The following CACNA2D1 variants were observed in gnomAD, a reference collection of about 807,000 sequenced individuals.
CACNA2D1 encodes the protein calcium voltage-gated channel auxiliary subunit alpha2delta 1.
Under a neutral mutation model 171.5 loss-of-function variants are expected in CACNA2D1, and 53 were observed. The observed-to-expected ratio is 0.31, with a 90% CI of 0.25 to 0.39. The LOEUF is 0.39. Ranked by LOEUF, CACNA2D1 falls within the 10% of genes least tolerant of loss-of-function variation. The pLI, the probability that CACNA2D1 is intolerant of heterozygous loss-of-function variation, is 1.00. For synonymous variants in CACNA2D1, 442 were observed against 443.1 expected (o/e 1.00, Z 0.03); for missense variants, 903 against 1,299.8 (o/e 0.69, Z 4.69).
At chr7:82,190,517 T>C (rs1798185317) in intron 3 of CACNA2D1, among the ~76,000 whole-genome samples, 3 of 151,732 alleles carry the variant, frequency 2.0e-5, no homozygotes, top group African/African-American at 7.2e-5. Context: ...CATCACCATA[T>C]ATTCAATTCC....
intron 10 of CACNA2D1, among the ~76,000 whole-genome samples, chr7:82,042,465 C>T (rs1216315627): frequency 6.6e-6 from 1 of 152,104 alleles, no homozygotes; most frequent in Non-Finnish European, 1.5e-5. Context: ...GAAAATACTT[C>T]TTGTAAAAGT....
In CACNA2D1 at chr7:82,080,569, C is replaced by G. The variant is rs553221321; in HGVS notation, c.658+4200G>C. The stretch of plus-strand genomic sequence containing the variant: ...TTTGAATTTCAATAAAAAATAAATA[C>G]CTTCTTAGCAAAAGTGTATCACAAA... On this transcript the variant is annotated intron_variant, in intron 7 of 38. Coordinates refer to ENST00000356860, the MANE Select transcript of CACNA2D1 (RefSeq NM_000722.4). Among the ~76,000 whole-genome samples the G allele has an allele frequency of 3.9e-4, 59 of 152,228 alleles. No homozygotes were observed. The South Asian group carries it at 0.012, about 32-fold the overall frequency.
At chr7:82,038,353 A>G (rs1460485618) in intron 10 of CACNA2D1, 118 bp from the exon 11 acceptor site, 3 of 859,688 alleles carry the variant, frequency 3.5e-6, no homozygotes, top group East Asian at 5.3e-5. Context: ...TTCAAATGGA[A>G]AAGTGAGTAG....
intron 20 of CACNA2D1, among the ~76,000 whole-genome samples, chr7:81,992,492 A>G (rs1479194359): frequency 1.3e-5 from 2 of 152,166 alleles, no homozygotes; most frequent in East Asian, 3.9e-4. Flanking sequence ...AGGGCTTTGG[A>G]CTAGCAATAT....
intron 21 of CACNA2D1, among the ~76,000 whole-genome samples, chr7:81,986,384 T>G (rs73705429): frequency 6.6e-6 from 1 of 151,824 alleles, no homozygotes; most frequent in Non-Finnish European, 1.5e-5. Context: ...TTTTAATAAT[T>G]TCAACTTTTA....
intron 6 of CACNA2D1, among the ~76,000 whole-genome samples, chr7:82,088,727 A>G (rs1584703436): frequency 6.6e-6 from 1 of 152,230 alleles, no homozygotes; most frequent in South Asian, 2.1e-4. Context: ...TAACAGGTGA[A>G]TGGTATTCTA....
At chr7:81,992,428 G>A (rs1008225393) in intron 20 of CACNA2D1, among the ~76,000 whole-genome samples, 1 of 152,110 alleles carries the variant, frequency 6.6e-6, no homozygotes. Flanking sequence ...GTTTGTGTGT[G>A]AGCATGTGTG....
rs543469488 is a variant in CACNA2D1, at chr7:82,049,983, C to T, written c.879+10445G>A. 2.6e-5 allele frequency among the ~76,000 whole-genome samples: 4 copies of T among 152,238 alleles called. No individual in the cohort carries two copies. The East Asian group carries it at 5.8e-4, about 22-fold the overall frequency. On this transcript the variant is annotated intron_variant, in intron 10 of 38. Transcript: ENST00000356860. ...TTTTAGCACTGGGGGATAGAAATTG[C>T]TTTTAAGTTCAAATTGTGCAGCAAT...
intron 7 of CACNA2D1, among the ~76,000 whole-genome samples, chr7:82,074,872 AT>A (rs200128813): frequency 0.015 from 2,285 of 151,644 alleles, 51 homozygotes; most frequent in African/African-American, 0.052. Flanking sequence ...TATTTCCAGA[AT>A]TTTTTTTTAA....
chr7:82,225,489 A>C (rs2129264184), intron 3 of CACNA2D1, among the ~76,000 whole-genome samples: 1 of 152,318 alleles, frequency 6.6e-6, no homozygotes, highest in Non-Finnish European at 1.5e-5. Flanking sequence ...CAGACATTTA[A>C]TATTCATTTT....
intron 24 of CACNA2D1, among the ~76,000 whole-genome samples, chr7:81,981,926 T>A (rs1796477984): frequency 6.6e-6 from 1 of 152,176 alleles, no homozygotes; most frequent in South Asian, 2.1e-4. Context: ...TCCATTATTA[T>A]GTTCATTCTA....
Position 82,227,774 on chromosome 7 carries a change from T to C in CACNA2D1, c.295-57165A>G, listed in dbSNP as rs78861543. Among the ~76,000 whole-genome samples the C allele has an allele frequency of 6.2e-3, 948 of 152,342 alleles. 13 individuals carry two copies. Among genetic ancestry groups the C allele is most frequent in the African/African-American group, 0.022 (906 of 41,582 alleles). ...TTAGAAAAAACTACAGTGAATAGTC[T>C]ATATATTTTATTAACATTCCCAGTA... On this transcript the variant is annotated intron_variant, in intron 3 of 38. Coordinates refer to ENST00000356860, the MANE Select transcript of CACNA2D1 (RefSeq NM_000722.4).
At chr7:82,254,819 G>A (rs1024743409) in intron 3 of CACNA2D1, among the ~76,000 whole-genome samples, 2 of 152,008 alleles carry the variant, frequency 1.3e-5, no homozygotes, top group Non-Finnish European at 2.9e-5. Flanking sequence ...AAGTCTAAAG[G>A]CACAGGTTGT....
chr7:82,250,812 T>C (rs1413044842), intron 3 of CACNA2D1, among the ~76,000 whole-genome samples: 2 of 152,206 alleles, frequency 1.3e-5, no homozygotes, highest in African/African-American at 4.8e-5. Flanking sequence ...TAATTTCAAA[T>C]ACCTGTCACA....
At chr7:82,258,014 G>A (rs187941130) in intron 3 of CACNA2D1, among the ~76,000 whole-genome samples, 1 of 152,278 alleles carries the variant, frequency 6.6e-6, no homozygotes, top group East Asian at 1.9e-4. Context: ...TGTTGGAAGA[G>A]ATGGGAGGCA....
chr7:82,139,323 AT>A (rs1246050566), intron 4 of CACNA2D1, among the ~76,000 whole-genome samples: 1 of 152,184 alleles, frequency 6.6e-6, no homozygotes, highest in Non-Finnish European at 1.5e-5. Flanking sequence ...TACAAGTATG[AT>A]TTTTTAAGTG....
rs1257162191 is a variant in CACNA2D1, at chr7:82,053,142, C to G, written c.879+7286G>C. 2.0e-5 allele frequency among the ~76,000 whole-genome samples: 3 copies of G among 151,646 alleles called. No individual in the cohort carries two copies. The East Asian group carries it at 5.8e-4, about 30-fold the overall frequency. On this transcript the variant is annotated intron_variant, in intron 10 of 38. Transcript: ENST00000356860. ...TGGCGGGTGCCTGTATTCCCAGCTA[C>G]TCAGGAGGCTGAGGCAGGAGAATGG...
At chr7:82,054,287 C>T (rs1805547465) in intron 10 of CACNA2D1, among the ~76,000 whole-genome samples, 1 of 152,142 alleles carries the variant, frequency 6.6e-6, no homozygotes, top group Non-Finnish European at 1.5e-5. Context: ...TCCATTTTTC[C>T]ATTCATGTCA....
chr7:82,006,791 C>A (rs1485431298), intron 16 of CACNA2D1, among the ~76,000 whole-genome samples: 2 of 151,946 alleles, frequency 1.3e-5, no homozygotes, highest in Non-Finnish European at 1.5e-5. Context: ...TGGTAATAGG[C>A]CCCCAAAGAG....
Sources: gnomAD v4.1 joint callset for allele counts (sites outside exome capture counted in the v4.1 genomes callset) on GRCh38, gnomAD v4.1.1 for gene constraint, MANE v1.5 for transcripts, NCBI Gene and HGNC (gene_info 2026-07-23, HGNC 2026-07-21) for gene names.